The following PPP1R3F variants were observed in gnomAD, a reference collection of about 807,000 sequenced individuals.
PPP1R3F encodes the protein protein phosphatase 1 regulatory subunit 3F, also known as protein phosphatase 1, regulatory (inhibitor) subunit 3F.
PPP1R3F carries 29 observed loss-of-function variants against 24.2 expected under a neutral mutation model. The ratio of observed to expected loss-of-function variants is 1.20; its 90% CI spans 0.89 to 1.63. The LOEUF (loss-of-function observed/expected upper bound fraction) is 1.63. PPP1R3F is among the 40% of genes most tolerant of loss of function. The pLI is 0.00. For synonymous variants in PPP1R3F, 363 were observed against 340.1 expected (o/e 1.07, Z -0.74); for missense variants, 823 against 729.3 (o/e 1.13, Z -1.48).
At chrX:49,290,347 T>TG (rs1557122218), downstream of PPP1R3F, among the ~76,000 whole-genome samples, 1 of 110,065 alleles carries the variant, frequency 9.1e-6, no homozygotes, top group Admixed American at 9.7e-5. Flanking sequence ...AGCCATAGAG[T>TG]GGGGCCTCTT....
In PPP1R3F at chrX:49,270,347, C is replaced by T; in HGVS notation, c.478C>T (p.Arg160Cys). 8.8e-6 allele frequency: 10 copies of T among 1,141,121 alleles called. No homozygotes were observed. The highest frequency in any genetic ancestry group is 9.2e-6 in the Non-Finnish European group (8 of 866,196). 94.0% of individuals were successfully genotyped at this position (1,141,121 alleles called of 1,213,427 possible). Residue 160 changes from arginine (R) to cysteine (C), a missense_variant, in exon 1 of 4, where the codon CGC becomes TGC. Transcript: ENST00000055335. ...TGCCGGGGTGTGGGTGCCTGGGGGCCGCCCGCCGGTGCTGCGCGGGTTGGT... is the reference window on the plus strand; with the variant it reads ...TGCCGGGGTGTGGGTGCCTGGGGGCTGCCCGCCGGTGCTGCGCGGGTTGGT... The part of the protein sequence containing the change: ...GGAGVWVPGG[R>C]PPVLRGLVRV...
chrX:49,295,558 A>AT (rs201183897), intron 3 of PPP1R3F, among the ~76,000 whole-genome samples: 47,131 of 107,165 alleles, frequency 0.44, 8,979 homozygotes, highest in Non-Finnish European at 0.59. Flanking sequence ...TATGTTGAGG[A>AT]TTTTTTTTTC....
chrX:49,275,902 C>T (rs1268514263), intron 1 of PPP1R3F: 1 of 112,301 alleles, frequency 8.9e-6, no homozygotes, highest in Non-Finnish European at 1.9e-5. Context: ...TTTCAGTGCA[C>T]CTATAACTGA....
At chrX:49,279,948 A>C in intron 1 of PPP1R3F, among the ~76,000 whole-genome samples, 1 of 112,291 alleles carries the variant, frequency 8.9e-6, no homozygotes. Flanking sequence ...GTGAAGGAGG[A>C]GCAAGACCCA....
rs2066161779 is a variant in PPP1R3F at position 49,270,077 on chromosome X, G to C, written c.208G>C (p.Gly70Arg). 2.0e-6 allele frequency: 2 copies of C among 1,000,537 alleles called. No individual in the cohort carries two copies. The highest frequency in any genetic ancestry group is 2.0e-5 in the African/African-American group (1 of 49,976). 82.5% of individuals were successfully genotyped at this position (1,000,537 alleles called of 1,213,427 possible). ...PGAGKMAAAAGQDGGGGGGAD... is the reference protein window; with the variant it reads ...PGAGKMAAAARQDGGGGGGAD... ...GGCGGGCAAGATGGCGGCGGCGGCC[G>C]GGCAAGATGGCGGCGGCGGCGGCGG... Residue 70 changes from glycine (G) to arginine (R), a missense_variant, in exon 1 of 4, where the codon GGG (glycine) becomes CGG (arginine). Gly to Arg is a moderately radical substitution (Grantham distance 125, BLOSUM62 -2). Coordinates refer to ENST00000055335, the MANE Select transcript of PPP1R3F (RefSeq NM_033215.5).
intron 1 of PPP1R3F, among the ~76,000 whole-genome samples, chrX:49,276,522 A>C (rs1028276): frequency 0.073 from 8,157 of 112,340 alleles, 726 homozygotes; most frequent in African/African-American, 0.25. Context: ...AAGAAAAAGG[A>C]AATAGCATAA....
chrX:49,284,509 C>CTTTTTTTTTTTTTTTTTTTTTT (rs145170789), intron 3 of PPP1R3F, among the ~76,000 whole-genome samples: 13 of 50,850 alleles, frequency 2.6e-4, no homozygotes, highest in African/African-American at 3.6e-4. Context: ...CTTTTTCTTT[C>CTTTTTTTTTTTTTTTTTTTTTT]TTTTTTTTTT....
Position 49,285,853 on chromosome X carries a change from C to A in PPP1R3F, c.1163C>A (p.Thr388Asn). 1 of 1,151,475 alleles carries A rather than the reference C, an allele frequency of 8.7e-7. No homozygotes were observed. Among genetic ancestry groups the A allele is most frequent in the Non-Finnish European group, 1.2e-6 (1 of 863,351 alleles). 94.9% of individuals were successfully genotyped at this position (1,151,475 alleles called of 1,213,427 possible). A position where few individuals can be genotyped will look rare whatever the true frequency, so the allele number is the denominator to read the frequency against. The change falls in exon 4 of 4, where the codon ACT becomes AAT. Residue 388 changes from threonine to asparagine, a missense_variant. Physicochemically the swap from Thr to Asn is moderately conservative, Grantham distance 65. Coordinates refer to ENST00000055335, the MANE Select transcript of PPP1R3F (RefSeq NM_033215.5). ...CTCCAGGTTTCTGACGTTCCGATGA[C>A]TGGCAACCCCGCAGAAGAAGGTGAT... is the stretch of plus-strand genomic sequence containing the variant. The part of the protein sequence containing the change: ...MTLQVSDVPM[T>N]GNPAEEGDVP...
At chrX:49,296,077 G>A (rs1388466394) in intron 3 of PPP1R3F, among the ~76,000 whole-genome samples, 2 of 111,962 alleles carry the variant, frequency 1.8e-5, no homozygotes, top group Non-Finnish European at 3.8e-5. Context: ...GTTTGGAATA[G>A]TTTCAGAAGC....
In PPP1R3F at chrX:49,286,990, T is replaced by G. The variant is rs138125824; in HGVS notation, c.2300T>G (p.Leu767Arg). 8.3e-6 allele frequency: 10 copies of G among 1,210,656 alleles called. No individual in the cohort carries two copies. Among genetic ancestry groups the G allele is most frequent in the East Asian group, 3.0e-5 (1 of 33,809 alleles). Residue 767 changes from leucine (L) to arginine (R), a missense_variant, in exon 4 of 4, where the codon CTG (leucine) becomes CGG (arginine). Transcript: ENST00000055335. ...CTCCGGGGGCCCTTGACCCAGACTC[T>G]GGGGGTCCTGGCCGGGCTAGTGGTG... ...PQLRGPLTQT[L>R]GVLAGLVVVP... is the part of the protein sequence containing the mutation.
chrX:49,300,486 T>TA (rs1415514852), intron 3 of PPP1R3F, among the ~76,000 whole-genome samples: 3 of 30,544 alleles, frequency 9.8e-5, no homozygotes, highest in Non-Finnish European at 3.6e-4. Context: ...TGTTTTTTTT[T>TA]TTTTTTTTTT....
chrX:49,279,170 G>A (rs1557120348), intron 1 of PPP1R3F, among the ~76,000 whole-genome samples: 2 of 111,226 alleles, frequency 1.8e-5, no homozygotes, highest in Non-Finnish European at 3.8e-5. Flanking sequence ...TGGGAGGATC[G>A]CTTGAGTCCA....
intron 3 of PPP1R3F, among the ~76,000 whole-genome samples, chrX:49,283,571 A>G (rs1357706998): frequency 9.0e-6 from 1 of 111,435 alleles, no homozygotes. Flanking sequence ...TTCTTCTCTC[A>G]TAAGTGTTTA....
intron 3 of PPP1R3F, chrX:49,301,238 G>GT (rs1483631514): frequency 1.9e-5 from 7 of 370,125 alleles, no homozygotes; most frequent in Admixed American, 6.9e-5. Flanking sequence ...TTAGGGTTCT[G>GT]TTTTTTTGTC....
At chrX:49,273,826 G>A (rs185016434) in intron 1 of PPP1R3F, 7 of 112,643 alleles carry the variant, frequency 6.2e-5, no homozygotes, top group African/African-American at 2.3e-4. Flanking sequence ...GGAGAAGTCC[G>A]TGGTAGCCAT....
At chrX:49,279,377 A>G (rs1557120374) in intron 1 of PPP1R3F, among the ~76,000 whole-genome samples, 1 of 111,976 alleles carries the variant, frequency 8.9e-6, no homozygotes, top group African/African-American at 3.3e-5. Flanking sequence ...GTAATTGGTT[A>G]TGGGTTTTCA....
intron 1 of PPP1R3F, among the ~76,000 whole-genome samples, chrX:49,276,811 C>G (rs1250260601): frequency 1.8e-5 from 2 of 112,203 alleles, no homozygotes; most frequent in African/African-American, 3.2e-5. Context: ...CAGTGCCCCA[C>G]ATAACTTGGT....
chrX:49,290,023 C>T (rs1049657557), downstream of PPP1R3F, among the ~76,000 whole-genome samples: 1 of 110,920 alleles, frequency 9.0e-6, no homozygotes, highest in South Asian at 3.8e-4. Context: ...GGGCCGAGAT[C>T]GCACCACTGC....
intron 1 of PPP1R3F, among the ~76,000 whole-genome samples, chrX:49,278,021 G>A (rs1237608553): frequency 2.7e-5 from 3 of 112,099 alleles, no homozygotes; most frequent in East Asian, 5.6e-4. Flanking sequence ...GCTCAATGGC[G>A]TGACCTGCTT....
Sources: gnomAD v4.1 joint callset for allele counts (sites outside exome capture counted in the v4.1 genomes callset) on GRCh38, gnomAD v4.1.1 for gene constraint, MANE v1.5 for transcripts, NCBI Gene and HGNC (gene_info 2026-07-23, HGNC 2026-07-21) for gene names.